Variants in ECT2 observed in about 807,000 individuals in gnomAD.
ECT2 encodes protein ECT2.
ECT2 carries 61 observed loss-of-function variants against 116.9 expected under a neutral mutation model. That is an observed-to-expected ratio of 0.52 (90% CI 0.42 to 0.65). ECT2 has a LOEUF of 0.65. ECT2 is among the 30% of genes least tolerant of loss of function. The pLI, the probability that ECT2 is intolerant of heterozygous loss-of-function variation, is 0.00. For missense variants in ECT2, 937 were observed against 1,078.7 expected (o/e 0.87, Z 1.84); for synonymous variants, 358 against 346.4 (o/e 1.03, Z -0.37).
At position 172,760,747 on chromosome 3, in the gene ECT2, GTC is replaced by G. The variant is rs565381391; in HGVS notation, c.684+492_684+493del. On this transcript the variant is annotated intron_variant, in intron 7 of 24. Transcript: ENST00000392692. ...TTTTTTTTTTTTTTTTTGAGACTGAGTCTCTCTCTGTCACCCAGGCTGGAGTG... is the reference window on the plus strand; with the variant it reads ...TTTTTTTTTTTTTTTTTGAGACTGAGTCTCTCTGTCACCCAGGCTGGAGTG... 5.9e-4 allele frequency among the ~76,000 whole-genome samples: 69 copies of G among 117,660 alleles called. 2 individuals are homozygous for G. The South Asian group carries it at 0.013, about 22-fold the overall frequency. 77.2% of individuals were successfully genotyped at this position (117,660 alleles called of 152,430 possible).
chr3:172,773,273 G>A (rs992011442), intron 13 of ECT2, among the ~76,000 whole-genome samples: 2 of 151,586 alleles, frequency 1.3e-5, no homozygotes, highest in South Asian at 4.2e-4. Context: ...TTTTTTTATT[G>A]TGATACTATT....
intron 13 of ECT2, among the ~76,000 whole-genome samples, chr3:172,772,083 C>T (rs1390079083): frequency 6.6e-6 from 1 of 152,134 alleles, no homozygotes; most frequent in Non-Finnish European, 1.5e-5. Context: ...TCACTGCAGC[C>T]TCTGCCTTCT....
intron 22 of ECT2, among the ~76,000 whole-genome samples, chr3:172,813,246 T>G (rs1249616622): frequency 1.3e-5 from 2 of 152,036 alleles, no homozygotes; most frequent in Non-Finnish European, 2.9e-5. Context: ...CAATAAAATT[T>G]GATATAAAAT....
intron 24 of ECT2, among the ~76,000 whole-genome samples, chr3:172,819,492 G>A (rs1198541732): frequency 6.6e-6 from 1 of 151,940 alleles, no homozygotes; most frequent in Non-Finnish European, 1.5e-5. Context: ...TTTTTATACG[G>A]AACGAAATTT....
intron 18 of ECT2, among the ~76,000 whole-genome samples, chr3:172,801,427 T>G (rs1726696638): frequency 6.6e-6 from 1 of 152,218 alleles, no homozygotes; most frequent in Non-Finnish European, 1.5e-5. Context: ...TCCACTCTGA[T>G]TGATATCACT....
chr3:172,818,678 C>CT, intron 24 of ECT2: 1 of 1,289,304 alleles, frequency 7.8e-7, no homozygotes, highest in South Asian at 1.2e-5. Context: ...GCTTTCCGAG[C>CT]TAGTTTTTCA....
intron 18 of ECT2, among the ~76,000 whole-genome samples, chr3:172,792,707 A>G (rs930001137): frequency 6.6e-6 from 1 of 152,036 alleles, no homozygotes; most frequent in African/African-American, 2.4e-5. Context: ...TAGGTCAGAT[A>G]GTAGGTTTTT....
the ECT2 span, among the ~76,000 whole-genome samples, chr3:172,826,850 T>C: frequency 6.6e-6 from 1 of 151,950 alleles, no homozygotes; most frequent in Non-Finnish European, 1.5e-5. Flanking sequence ...ATCAACAAAG[T>C]GAAGAGACAG....
At chr3:172,804,508 T>C (rs2109062820) in intron 20 of ECT2, among the ~76,000 whole-genome samples, 1 of 152,308 alleles carries the variant, frequency 6.6e-6, no homozygotes, top group African/African-American at 2.4e-5. Context: ...GAACAGATGC[T>C]AGGCAGAGTC....
intron 22 of ECT2, among the ~76,000 whole-genome samples, chr3:172,811,198 TTG>T (rs1728716500): frequency 6.6e-6 from 1 of 152,048 alleles, no homozygotes; most frequent in Non-Finnish European, 1.5e-5. Flanking sequence ...AGAAAGTTTT[TTG>T]TCTTCGTTGT....
intron 12 of ECT2, among the ~76,000 whole-genome samples, chr3:172,767,138 G>T (rs967584029): frequency 3.3e-5 from 5 of 151,936 alleles, no homozygotes; most frequent in African/African-American, 9.7e-5. Context: ...TTGAGATTCT[G>T]TTTTTTTTAA....
intron 14 of ECT2, among the ~76,000 whole-genome samples, chr3:172,777,982 C>T (rs1032959591): frequency 2.6e-5 from 4 of 152,120 alleles, no homozygotes; most frequent in African/African-American, 9.7e-5. Flanking sequence ...GTTATTTTAG[C>T]GTAAGCCTCA....
chr3:172,805,320 A>G (rs1727491184), intron 20 of ECT2, among the ~76,000 whole-genome samples: 1 of 152,094 alleles, frequency 6.6e-6, no homozygotes, highest in African/African-American at 2.4e-5. Flanking sequence ...AACACTTGTT[A>G]TTGTTTTTCC....
In ECT2 at chr3:172,817,414, A is replaced by G. The variant is rs576937149; in HGVS notation, c.2655+577A>G. ...TGAAATATGTTCTAAAATCTCTGAGAAAAGAAACGCGTTTCAATCTGGCCT... is the reference window on the plus strand; with the variant it reads ...TGAAATATGTTCTAAAATCTCTGAGGAAAGAAACGCGTTTCAATCTGGCCT... On this transcript the variant is annotated intron_variant, in intron 24 of 24. Transcript: ENST00000392692. Among the ~76,000 whole-genome samples, 10 of 152,214 alleles carry G rather than the reference A, an allele frequency of 6.6e-5. No homozygotes were observed. In the South Asian group the frequency reaches 1.2e-3, roughly 19 times the overall value.
intron 15 of ECT2, 117 bp downstream of exon 15, chr3:172,782,348 G>A (rs1242724917): frequency 6.0e-6 from 3 of 497,098 alleles, no homozygotes; most frequent in Non-Finnish European, 1.0e-5. Flanking sequence ...TGATATGATT[G>A]TGTTTATAAA....
the ECT2 span, among the ~76,000 whole-genome samples, chr3:172,828,293 A>G: frequency 2.0e-5 from 3 of 151,724 alleles, no homozygotes; most frequent in Non-Finnish European, 2.9e-5. Context: ...TTTTCCCCAA[A>G]CTGAACAAAT....
At chr3:172,763,032 T>A in intron 11 of ECT2, 60 bp downstream of exon 11, 1 of 1,557,740 alleles carries the variant, frequency 6.4e-7, no homozygotes, top group Non-Finnish European at 8.8e-7. Context: ...AAATAACACT[T>A]TTCTGTCCAG....
intron 17 of ECT2, 26 bp downstream of exon 17, chr3:172,784,829 A>C: frequency 7.7e-7 from 1 of 1,302,990 alleles, no homozygotes. Context: ...GTTTCAAACT[A>C]CATCAGATAT....
chr3:172,791,157 G>GA (rs1351405063), intron 18 of ECT2, among the ~76,000 whole-genome samples: 2 of 152,072 alleles, frequency 1.3e-5, no homozygotes, highest in Non-Finnish European at 2.9e-5. Flanking sequence ...CTTGTCTCAA[G>GA]AAAAAAATTA....
Sources: gnomAD v4.1 joint callset for allele counts (sites outside exome capture counted in the v4.1 genomes callset) on GRCh38, gnomAD v4.1.1 for gene constraint, MANE v1.5 for transcripts, NCBI Gene and HGNC (gene_info 2026-07-23, HGNC 2026-07-21) for gene names.